ECD: variants seen among roughly 807,000 people sequenced by gnomAD.
ECD encodes ecdysoneless cell cycle regulator, also known as protein ecdysoneless homolog.
ECD carries 59 observed loss-of-function variants against 77.2 expected under a neutral mutation model. The observed-to-expected ratio is 0.76, with a 90% confidence interval of 0.62 to 0.95. ECD has a LOEUF of 0.95. Ranked by LOEUF, ECD falls within the 40% of genes least tolerant of loss-of-function variation. ECD has a pLI of 0.00. For missense variants in ECD, 704 were observed against 763.4 expected (o/e 0.92, Z 0.92); for synonymous variants, 233 against 267.4 (o/e 0.87, Z 1.26).
At chr10:73,164,082 T>TC in intron 1 of ECD, 132 bp from the exon 2 acceptor site, 1 of 722,822 alleles carries the variant, frequency 1.4e-6, no homozygotes, top group East Asian at 2.7e-5. Flanking sequence ...ATGCATGTAA[T>TC]CCTATCACTT....
intron 3 of ECD, among the ~76,000 whole-genome samples, chr10:73,159,465 A>G (rs1843345501): frequency 1.3e-5 from 2 of 152,228 alleles, no homozygotes. Context: ...AAAGATCCAC[A>G]AGGAATTTAA....
At chr10:73,143,817 C>A (rs1319200283) in intron 9 of ECD, among the ~76,000 whole-genome samples, 1 of 137,890 alleles carries the variant, frequency 7.3e-6, no homozygotes. Flanking sequence ...CATTACTGTA[C>A]GTATTTATAA....
upstream of ECD, chr10:73,168,085 G>A (rs1331076474): frequency 1.1e-5 from 6 of 526,734 alleles, no homozygotes; most frequent in Non-Finnish European, 2.0e-5. Flanking sequence ...GTGCGTCGGC[G>A]GGAGCATTTT....
At chr10:73,164,164 C>T (rs1319072175) in intron 1 of ECD, among the ~76,000 whole-genome samples, 1 of 151,604 alleles carries the variant, frequency 6.6e-6, no homozygotes, top group Non-Finnish European at 1.5e-5. Flanking sequence ...GGTGAAACCC[C>T]GTCTCTACTA....
intron 3 of ECD, among the ~76,000 whole-genome samples, chr10:73,157,251 T>C (rs1027327259): frequency 1.3e-5 from 2 of 151,610 alleles, no homozygotes; most frequent in African/African-American, 4.8e-5. Flanking sequence ...GGTTTCGCCA[T>C]GTTGCCCAGG....
chr10:73,148,379 G>A lies in ECD; in HGVS notation c.938C>T (p.Ser313Phe), dbSNP rs1399883746. 1.9e-6 allele frequency: 3 copies of A among 1,613,860 alleles called. No homozygotes were observed. In the South Asian group the frequency reaches 3.3e-5, roughly 18 times the overall value. ...GTCAGAAAAATGTGGGCTACATTTG[G>A]AGCATAAGATCTCAAATCCATGAGC... ...KLAHGFEILC[S>F]KCSPHFSDCK... Residue 313 changes from serine to phenylalanine, a missense_variant, in exon 8 of 14, where the codon TCC becomes TTC. Around this residue, in one of 3 missense-constraint regions of ECD, gnomAD observed 559 missense variants for 583.7 expected, o/e 0.96. Coordinates refer to ENST00000372979, the MANE Select transcript of ECD (RefSeq NM_007265.3).
In ECD at chr10:73,160,480, A is replaced by T. The variant is rs1397691009; in HGVS notation, c.277T>A (p.Tyr93Asn). The T allele has an allele frequency of 6.2e-7, 1 of 1,610,864 alleles. No homozygotes were observed. The highest frequency in any genetic ancestry group is 1.7e-5 in the Admixed American group (1 of 59,504). ...DNIEDEWFIV[Y>N]VIKQITKEFP... ...TCCTTTGTGATCTGCTTTATTACAT[A>T]AACAATAAACCATTCATCCTCAATG... The change falls in exon 3 of 14, where the codon TAT becomes AAT. Residue 93 changes from tyrosine to asparagine, a missense_variant. By Grantham distance (143) the Tyr-to-Asn change is moderately radical. Transcript: ENST00000372979.
chr10:73,145,101 C>T (rs112611329), intron 9 of ECD, among the ~76,000 whole-genome samples: 23,973 of 152,112 alleles, frequency 0.16, 3,151 homozygotes, highest in African/African-American at 0.34. Context: ...CATTGGCTCA[C>T]GCCTGTAATC....
Position 73,162,367 on chromosome 10 carries a change from G to A in ECD, c.205+1366C>T, listed in dbSNP as rs1589122480. On this transcript the variant is annotated intron_variant, in intron 2 of 13. Coordinates refer to ENST00000372979, the MANE Select transcript of ECD (RefSeq NM_007265.3). ...GAAGTGAGGAACTGATTATGATTTT[G>A]AATTACTGACTAGCTTGGATAACTG... Among the ~76,000 whole-genome samples, 3 of 152,194 alleles carry A rather than the reference G, an allele frequency of 2.0e-5. No individual in the cohort carries two copies. The South Asian group carries it at 6.2e-4, about 31-fold the overall frequency.
rs1298117299 is a variant in ECD at position 73,152,340 on chromosome 10, G to C, written c.865C>G (p.Pro289Ala). 2 of 1,613,928 alleles carry C rather than the reference G, an allele frequency of 1.2e-6. No individual in the cohort carries two copies. The highest frequency in any genetic ancestry group is 4.5e-5 in the East Asian group (2 of 44,868). ...PDRRSGYRLP[P>A]PSDPQYRAHE... ...GCTCGGTACTGGGGATCAGATGGAG[G>C]AGGCAGCCTGTATCCACTCCGCCGG... The change falls in exon 7 of 14, where the codon CCT (proline) becomes GCT (alanine). Residue 289 changes from proline to alanine, a missense_variant. Physicochemically the swap from Pro to Ala is conservative, Grantham distance 27 (BLOSUM62 -1). Around this residue, in one of 3 missense-constraint regions of ECD, gnomAD observed 559 missense variants for 583.7 expected, o/e 0.96. Coordinates refer to ENST00000372979, the MANE Select transcript of ECD (RefSeq NM_007265.3).
chr10:73,152,132 T>G lies in ECD; in HGVS notation c.912+161A>C, dbSNP rs551076976. Among the ~76,000 whole-genome samples, 122 of 152,376 alleles carry G rather than the reference T, an allele frequency of 8.0e-4. 1 individual carries two copies. The South Asian group carries it at 0.013, about 17-fold the overall frequency. Reference sequence around the variant, plus strand: ...ACTTCAGACTTGTCCCATCATCACTTACTAAGTAATCCATTTTTTTCATTC... The same window carrying G: ...ACTTCAGACTTGTCCCATCATCACTGACTAAGTAATCCATTTTTTTCATTC... On this transcript the variant is annotated intron_variant, in intron 7 of 13. Coordinates refer to ENST00000372979, the MANE Select transcript of ECD (RefSeq NM_007265.3).
At chr10:73,156,808 A>G (rs955942374) in intron 3 of ECD, among the ~76,000 whole-genome samples, 153 bp from the exon 4 acceptor site, 2 of 152,248 alleles carry the variant, frequency 1.3e-5, no homozygotes, top group African/African-American at 2.4e-5. Flanking sequence ...AATATTTAAG[A>G]TAACATTAAG....
At chr10:73,138,104 T>C in intron 11 of ECD, 34 bp from the exon 12 acceptor site, 1 of 1,491,760 alleles carries the variant, frequency 6.7e-7, no homozygotes, top group Non-Finnish European at 9.0e-7. Flanking sequence ...AATTAATTTA[T>C]TCTAAATACA....
At chr10:73,160,896 G>A (rs898481398) in intron 2 of ECD, among the ~76,000 whole-genome samples, 1 of 152,214 alleles carries the variant, frequency 6.6e-6, no homozygotes, top group Non-Finnish European at 1.5e-5. Context: ...GAGGCATGAT[G>A]TATAGAGTAT....
At chr10:73,165,758 T>C (rs1020586644) in intron 1 of ECD, among the ~76,000 whole-genome samples, 5 of 152,140 alleles carry the variant, frequency 3.3e-5, no homozygotes, top group Admixed American at 6.5e-5. Flanking sequence ...ATTTATCCTT[T>C]GTGTTACAAA....
chr10:73,156,711 C>A, intron 3 of ECD, 56 bp from the exon 4 acceptor site: 1 of 1,454,892 alleles, frequency 6.9e-7, no homozygotes, highest in Non-Finnish European at 9.6e-7. Flanking sequence ...TGCTAGTAAC[C>A]AAAACAGTTT....
Position 73,160,459 on chromosome 10 carries a change from T to C in ECD, c.298A>G (p.Lys100Glu), listed in dbSNP as rs2133272952. The change falls in exon 3 of 14, where the codon AAG (lysine) becomes GAG (glutamate). Residue 100 changes from lysine (K) to glutamate (E), a missense_variant. Physicochemically the swap from Lys to Glu is moderately conservative, Grantham distance 56. Around this residue, in one of 3 missense-constraint regions of ECD, gnomAD observed 559 missense variants for 583.7 expected, o/e 0.96. Transcript: ENST00000372979. ...CTTGCTACTAACTCTGGAAATTCCTTTGTGATCTGCTTTATTACATAAACA... is the reference window on the plus strand; with the variant it reads ...CTTGCTACTAACTCTGGAAATTCCTCTGTGATCTGCTTTATTACATAAACA... ...FIVYVIKQIT[K>E]EFPELVARIE... 2 of 1,602,948 alleles carry C rather than the reference T, an allele frequency of 1.2e-6. No individual in the cohort carries two copies. The highest frequency in any genetic ancestry group is 2.2e-5 in the East Asian group (1 of 44,584).
intron 5 of ECD, among the ~76,000 whole-genome samples, chr10:73,155,693 G>T (rs1843286821): frequency 6.6e-6 from 1 of 150,778 alleles, no homozygotes; most frequent in Non-Finnish European, 1.5e-5. Flanking sequence ...CCGCCTCCCG[G>T]GTTCAAGCGA....
intron 12 of ECD, 39 bp downstream of exon 12, chr10:73,137,962 AAC>A: frequency 2.0e-6 from 3 of 1,470,276 alleles, no homozygotes; most frequent in Non-Finnish European, 2.8e-6. Flanking sequence ...CCATACTACT[AAC>A]AGTTTCAAAA....
Sources: allele counts gnomAD v4.1 joint callset (sites outside exome capture counted in the v4.1 genomes callset), GRCh38; gene constraint gnomAD v4.1.1; regional missense constraint gnomAD v4.1.1; transcripts MANE v1.5; gene names NCBI Gene and HGNC (gene_info 2026-07-23, HGNC 2026-07-21).